HCN4: variants seen among roughly 807,000 people sequenced by gnomAD.
HCN4 encodes the protein hyperpolarization activated cyclic nucleotide gated potassium channel 4.
HCN4 carries 29 observed loss-of-function variants against 76.9 expected under a neutral mutation model. The ratio of observed to expected loss-of-function variants is 0.38; its 90% confidence interval spans 0.28 to 0.51. HCN4 has a LOEUF of 0.51. Ranked by LOEUF, HCN4 falls within the 20% of genes least tolerant of loss-of-function variation. HCN4 has a pLI of 0.90. For missense variants in HCN4, 1,416 were observed against 1,715.2 expected (o/e 0.83, Z 3.08); for synonymous variants, 772 against 762.5 (o/e 1.01, Z -0.21).
At chr15:73,333,504 C>T (rs2042945347) in intron 2 of HCN4, among the ~76,000 whole-genome samples, 1 of 152,172 alleles carries the variant, frequency 6.6e-6, no homozygotes, top group East Asian at 1.9e-4. Flanking sequence ...CTTCCAGCTA[C>T]AGCCCTGTAG....
At chr15:73,331,849 T>C (rs2042934982) in intron 3 of HCN4, among the ~76,000 whole-genome samples, 1 of 152,074 alleles carries the variant, frequency 6.6e-6, no homozygotes, top group Non-Finnish European at 1.5e-5. Flanking sequence ...CAGGTCTTAG[T>C]CTCCCTGGGT....
chr15:73,356,374 C>CTTTTTTT (rs71137342), intron 1 of HCN4, among the ~76,000 whole-genome samples: 27 of 118,190 alleles, frequency 2.3e-4, no homozygotes, highest in Non-Finnish European at 3.4e-4. Flanking sequence ...CTTTTCTTTT[C>CTTTTTTT]TTTTTTTTTT....
In HCN4 at chr15:73,327,573, A is replaced by G. The variant is rs891416757; in HGVS notation, c.1590+2000T>C. Among the ~76,000 whole-genome samples, 9 of 151,740 alleles carry G rather than the reference A, an allele frequency of 5.9e-5. No homozygotes were observed. The South Asian group carries it at 8.4e-4, about 14-fold the overall frequency. On this transcript the variant is annotated intron_variant, in intron 4 of 7. Transcript: ENST00000261917. ...AGGATCCCTCACCTGGCTGAGCCCC[A>G]CCCCAGTCACAGGCTGGGTCCTGGT...
At chr15:73,366,603 A>C (rs2043129436) in intron 1 of HCN4, among the ~76,000 whole-genome samples, 1 of 152,160 alleles carries the variant, frequency 6.6e-6, no homozygotes, top group African/African-American at 2.4e-5. Flanking sequence ...TATGCCCACA[A>C]GCTCCCAGTG....
At chr15:73,341,858 C>T (rs1595828378) in intron 2 of HCN4, among the ~76,000 whole-genome samples, 1 of 152,228 alleles carries the variant, frequency 6.6e-6, no homozygotes, top group East Asian at 1.9e-4. Flanking sequence ...TTCATGACGC[C>T]TCTGACCATC....
intron 2 of HCN4, chr15:73,341,044 A>C (rs2042998384): frequency 6.7e-6 from 1 of 148,402 alleles, no homozygotes; most frequent in Non-Finnish European, 1.5e-5. Flanking sequence ...AATGTTACTA[A>C]GACAACTTGG....
intron 2 of HCN4, among the ~76,000 whole-genome samples, chr15:73,332,682 G>A (rs2042940099): frequency 2.0e-5 from 3 of 152,136 alleles, no homozygotes; most frequent in African/African-American, 7.2e-5. Context: ...GGCTCCTCAG[G>A]GAACCAAAAG....
At chr15:73,337,400 A>G (rs497859) in intron 2 of HCN4, among the ~76,000 whole-genome samples, 11,285 of 152,194 alleles carry the variant, frequency 0.074, 845 homozygotes, top group African/African-American at 0.19. Context: ...ATGAGTGGGT[A>G]CCATATGGGA....
chr15:73,367,607 G>C lies in HCN4; in HGVS notation c.664C>G (p.Leu222Val). 1 of 1,613,494 alleles carries C rather than the reference G, an allele frequency of 6.2e-7. No individual in the cohort carries two copies. ...GAGAATTTGTTGACCCCGGGTTGGA[G>C]CATGGCCCCGAACTGGCGCTGCATG... Reference protein sequence around the residue: ...GFMQRQFGAMLQPGVNKFSLR... With the variant: ...GFMQRQFGAMVQPGVNKFSLR... The change falls in exon 1 of 8, where the codon CTC (leucine) becomes GTC (valine). Residue 222 changes from leucine (L) to valine (V), a missense_variant. Leu to Val is a conservative substitution (Grantham distance 32). Around this residue, in one of 6 missense-constraint regions of HCN4, gnomAD observed 355 missense variants for 347.8 expected, o/e 1.02. Coordinates refer to ENST00000261917, the MANE Select transcript of HCN4 (RefSeq NM_005477.3). The surrounding 1 kb of genome is among the most constrained non-coding windows in gnomAD (Gnocchi z 7.5).
chr15:73,356,174 C>T (rs552660204), intron 1 of HCN4, among the ~76,000 whole-genome samples: 5 of 147,516 alleles, frequency 3.4e-5, no homozygotes, highest in South Asian at 2.2e-4. Context: ...TGGGGCAGAA[C>T]GTCTTTGTTT....
intron 2 of HCN4, among the ~76,000 whole-genome samples, chr15:73,336,340 G>A (rs556377159): frequency 2.4e-4 from 37 of 152,184 alleles, no homozygotes; most frequent in Non-Finnish European, 4.7e-4. Context: ...GGGCTCCCCA[G>A]GATGCAACTG....
At position 73,367,667 on chromosome 15, in the gene HCN4, G is replaced by T; in HGVS notation, c.604C>A (p.Pro202Thr). ...GGAAAGDQIL[P>T]EAEVRLGQAG... is the part of the protein sequence containing the mutation. ...TGGCCCAGGCGCACCTCGGCCTCCG[G>T]GAGGATCTGGTCGCCGGCAGCCGCG... Residue 202 changes from proline to threonine, a missense_variant, in exon 1 of 8, where the codon CCG becomes ACG. Transcript: ENST00000261917. The surrounding 1 kb of genome is among the most constrained non-coding windows in gnomAD (Gnocchi z 7.5). The T allele has an allele frequency of 6.2e-7, 1 of 1,606,930 alleles. No individual in the cohort carries two copies. Among genetic ancestry groups the T allele is most frequent in the South Asian group, 1.1e-5 (1 of 91,048 alleles).
rs1567773772 is a variant in HCN4 at position 73,328,236 on chromosome 15, C to T, written c.1590+1337G>A. On this transcript the variant is annotated intron_variant, in intron 4 of 7. Coordinates refer to ENST00000261917, the MANE Select transcript of HCN4 (RefSeq NM_005477.3). The surrounding 1 kb of genome is among the most constrained non-coding windows in gnomAD (Gnocchi z 4.0). ...GGACGTGGAGAGGGTGTCAGGTGGA[C>T]ACCTGGGGAGGAGAGTTGAGGGTGA... 6.6e-6 allele frequency among the ~76,000 whole-genome samples: 1 copy of T among 151,740 alleles called. No individual in the cohort carries two copies. The highest frequency in any genetic ancestry group is 2.4e-5 in the African/African-American group (1 of 41,270).
intron 1 of HCN4, among the ~76,000 whole-genome samples, chr15:73,359,061 G>A (rs575599617): frequency 1.4e-4 from 22 of 152,314 alleles, no homozygotes; most frequent in South Asian, 4.1e-4. Context: ...TGAAAGCCTC[G>A]TTCACGCAGA....
At position 73,368,330 on chromosome 15, in the gene HCN4, T is replaced by C. The variant is rs2151228867; in HGVS notation, c.-60A>G. On this transcript the variant is annotated 5_prime_UTR_variant, in exon 1 of 8. Coordinates refer to ENST00000261917, the MANE Select transcript of HCN4 (RefSeq NM_005477.3). This position sits in a 1 kb window ranked among gnomAD's most constrained non-coding sequence, Gnocchi z 6.9. ...CAGGAGCGCGGCGCCGCGGACGGGC[T>C]CCAGGTCCGCCCGCCGGTCAGTCCG... 1.6e-6 allele frequency: 2 copies of C among 1,235,880 alleles called. No individual in the cohort carries two copies. Among genetic ancestry groups the C allele is most frequent in the Non-Finnish European group, 1.0e-6 (1 of 958,160 alleles). 76.6% of individuals were successfully genotyped at this position (1,235,880 alleles called of 1,614,324 possible). A position where few individuals can be genotyped will look rare whatever the true frequency, so the allele number is the denominator to read the frequency against.
chr15:73,351,463 T>C (rs1050310335), intron 1 of HCN4, among the ~76,000 whole-genome samples: 1 of 152,202 alleles, frequency 6.6e-6, no homozygotes, highest in Non-Finnish European at 1.5e-5. Flanking sequence ...CTCCACACTC[T>C]TGTGCTCCCA....
At chr15:73,342,792 G>C (rs932706856) in intron 2 of HCN4, among the ~76,000 whole-genome samples, 2 of 152,184 alleles carry the variant, frequency 1.3e-5, no homozygotes, top group Admixed American at 6.5e-5. Flanking sequence ...TAAAAATCCA[G>C]ATTTCCATTT....
chr15:73,345,457 C>T (rs962315735), intron 1 of HCN4, among the ~76,000 whole-genome samples: 5 of 152,186 alleles, frequency 3.3e-5, no homozygotes, highest in African/African-American at 1.2e-4. Flanking sequence ...CCCCAGTACC[C>T]ATATGCCAGC....
At position 73,346,785 on chromosome 15, in the gene HCN4, G is replaced by A. The variant is rs75940646; in HGVS notation, c.786-2977C>T. On this transcript the variant is annotated intron_variant, in intron 1 of 7. Transcript: ENST00000261917. ...AGGCCGGGAAACTGCTTCTGGAGGAGGTGAGAGGAGTTGGGTTTTGGGAAC... is the reference window on the plus strand; with the variant it reads ...AGGCCGGGAAACTGCTTCTGGAGGAAGTGAGAGGAGTTGGGTTTTGGGAAC... Among the ~76,000 whole-genome samples the A allele has an allele frequency of 1.1e-3, 163 of 152,316 alleles. No individual in the cohort carries two copies. In the East Asian group the frequency reaches 0.029, roughly 27 times the overall value.
Sources: gnomAD v4.1 joint callset for allele counts (sites outside exome capture counted in the v4.1 genomes callset) on GRCh38, gnomAD v4.1.1 for gene constraint, gnomAD v4.1.1 regional missense constraint, Gnocchi (gnomAD v3.1) non-coding constraint, MANE v1.5 for transcripts, NCBI Gene and HGNC (gene_info 2026-07-23, HGNC 2026-07-21) for gene names.